The following CTNNA3 variants were observed in gnomAD, a reference collection of about 807,000 sequenced individuals.
CTNNA3 encodes the protein catenin alpha 3, also known as catenin alpha-3.
Under a neutral mutation model 95.7 loss-of-function variants are expected in CTNNA3, and 76 were observed. The observed-to-expected ratio is 0.79, with a 90% CI of 0.66 to 0.96. The LOEUF (loss-of-function observed/expected upper bound fraction) is 0.96, where lower values mean the gene tolerates loss of function less well. CTNNA3 is among the 40% of genes least tolerant of loss of function. CTNNA3 has a pLI of 0.00. For missense variants in CTNNA3, 1,191 were observed against 1,089.8 expected (o/e 1.09, Z -1.31); for synonymous variants, 431 against 374.4 (o/e 1.15, Z -1.74).
intron 1 of CTNNA3, among the ~76,000 whole-genome samples, chr10:67,748,388 AGACTAAC>A (rs1276084284): frequency 1.3e-5 from 2 of 152,212 alleles, no homozygotes; most frequent in Non-Finnish European, 1.5e-5. Context: ...GAATCCCATC[AGACTAAC>A]AGCAGACCTC....
At chr10:67,744,124 A>C (rs1398401127) in intron 1 of CTNNA3, among the ~76,000 whole-genome samples, 1 of 151,304 alleles carries the variant, frequency 6.6e-6, no homozygotes, top group African/African-American at 2.4e-5. Context: ...GCTGCCAATG[A>C]CTTTCTTCAC....
At chr10:66,547,852 A>T (rs1173439355) in intron 10 of CTNNA3, among the ~76,000 whole-genome samples, 2 of 151,764 alleles carry the variant, frequency 1.3e-5, no homozygotes, top group African/African-American at 4.8e-5. Flanking sequence ...TCTTTCAATT[A>T]TGATTTTTGG....
chr10:66,145,552 T>C (rs1210771228), intron 13 of CTNNA3, among the ~76,000 whole-genome samples: 1 of 152,120 alleles, frequency 6.6e-6, no homozygotes, highest in Admixed American at 6.6e-5. Flanking sequence ...AATGACTATG[T>C]AAAAATAGGT....
chr10:66,966,541 C>G (rs1319951249), intron 7 of CTNNA3, among the ~76,000 whole-genome samples: 2 of 151,622 alleles, frequency 1.3e-5, no homozygotes, highest in Non-Finnish European at 2.9e-5. Flanking sequence ...TAAAAATGAG[C>G]TATCAGATTC....
chr10:66,196,997 G>GATCAAAAC (rs2087000441), intron 13 of CTNNA3, among the ~76,000 whole-genome samples: 1 of 152,030 alleles, frequency 6.6e-6, no homozygotes, highest in Non-Finnish European at 1.5e-5. Flanking sequence ...CATATCCAGT[G>GATCAAAAC]ATCATGAGGA....
At chr10:66,890,870 A>T (rs1396594051) in intron 7 of CTNNA3, among the ~76,000 whole-genome samples, 1 of 152,144 alleles carries the variant, frequency 6.6e-6, no homozygotes, top group African/African-American at 2.4e-5. Flanking sequence ...AGCCCTTTGA[A>T]GGAGTCAAGG....
At chr10:66,421,899 T>G (rs200280370) in intron 11 of CTNNA3, among the ~76,000 whole-genome samples, 1 of 52,392 alleles carries the variant, frequency 1.9e-5, no homozygotes, top group Non-Finnish European at 3.8e-5. Context: ...ATAAATGTGA[T>G]ATATATATAT....
At chr10:66,461,386 C>A (rs913021865) in intron 11 of CTNNA3, among the ~76,000 whole-genome samples, 2 of 152,010 alleles carry the variant, frequency 1.3e-5, no homozygotes, top group African/African-American at 4.8e-5. Context: ...TAAAACAGTT[C>A]ATTTATTCAT....
intron 12 of CTNNA3, among the ~76,000 whole-genome samples, chr10:66,287,105 C>T (rs998177214): frequency 1.4e-4 from 21 of 151,958 alleles, no homozygotes; most frequent in African/African-American, 4.4e-4. Context: ...CTCTTGGACA[C>T]GCTAATGCCT....
chr10:66,238,697 T>A (rs199843198), intron 13 of CTNNA3, among the ~76,000 whole-genome samples: 1 of 129,842 alleles, frequency 7.7e-6, no homozygotes, highest in Non-Finnish European at 1.7e-5. Flanking sequence ...TATATATATA[T>A]AATTTTTTTC....
intron 15 of CTNNA3, among the ~76,000 whole-genome samples, chr10:66,057,266 T>C (rs973392171): frequency 2.6e-5 from 4 of 152,130 alleles, no homozygotes; most frequent in African/African-American, 4.8e-5. Context: ...TTTGTATTAA[T>C]ATAATTTAAC....
intron 14 of CTNNA3, among the ~76,000 whole-genome samples, chr10:66,096,808 G>C (rs1218229098): frequency 2.6e-5 from 4 of 152,078 alleles, no homozygotes; most frequent in Non-Finnish European, 5.9e-5. Context: ...AGAGGTGTGA[G>C]TCACTGCGCC....
intron 5 of CTNNA3, among the ~76,000 whole-genome samples, chr10:67,237,120 G>GTATATATATATA (rs1491319724): frequency 6.4e-5 from 1 of 15,652 alleles, no homozygotes; most frequent in Non-Finnish European, 1.0e-4. Flanking sequence ...AGAAACTATG[G>GTATATATATATA]TGTATGTATA....
At chr10:66,266,109 A>G (rs1589893239) in intron 13 of CTNNA3, among the ~76,000 whole-genome samples, 3 of 135,496 alleles carry the variant, frequency 2.2e-5, no homozygotes, top group African/African-American at 9.3e-5. Context: ...GAGAGGGAGG[A>G]AGGAAGGAAG....
chr10:67,179,490 A>T (rs1457490799), intron 7 of CTNNA3, among the ~76,000 whole-genome samples: 1 of 129,984 alleles, frequency 7.7e-6, no homozygotes, highest in Non-Finnish European at 1.6e-5. Flanking sequence ...GATAGCTAAA[A>T]CTTCAAAAAA....
chr10:66,048,084 A>G (rs931421783), intron 15 of CTNNA3, among the ~76,000 whole-genome samples: 2 of 152,150 alleles, frequency 1.3e-5, no homozygotes, highest in African/African-American at 2.4e-5. Context: ...TGTTCCTATT[A>G]AACTACCAAG....
At chr10:65,922,908 CACATCTTACATGGCA>C (rs2077112772) in intron 17 of CTNNA3, among the ~76,000 whole-genome samples, 1 of 152,096 alleles carries the variant, frequency 6.6e-6, no homozygotes, top group African/African-American at 2.4e-5. Context: ...GGGAAGCAGA[CACATCTTACATGGCA>C]ACAGGAGAGA....
At chr10:67,695,759 T>C (rs542776562) in intron 1 of CTNNA3, among the ~76,000 whole-genome samples, 22 of 152,312 alleles carry the variant, frequency 1.4e-4, no homozygotes, top group African/African-American at 5.3e-4. Flanking sequence ...AGCACGACCT[T>C]GGCTACCAGC....
chr10:66,199,765 CTATATATATATATATATATATATATATA>C (rs59585958), intron 13 of CTNNA3, among the ~76,000 whole-genome samples: 5 of 30,724 alleles, frequency 1.6e-4, no homozygotes, highest in South Asian at 2.1e-3. Flanking sequence ...CCACGCCTGG[CTATATATATATATATATATATATATATA>C]TATATATATA....
Sources: gnomAD v4.1 joint callset for allele counts (sites outside exome capture counted in the v4.1 genomes callset) on GRCh38, gnomAD v4.1.1 for gene constraint, MANE v1.5 for transcripts, NCBI Gene and HGNC (gene_info 2026-07-23, HGNC 2026-07-21) for gene names.